Variants in COL26A1 observed in about 807,000 individuals in gnomAD.
COL26A1 encodes collagen type XXVI alpha 1 chain.
Under a neutral mutation model 59.3 loss-of-function variants are expected in COL26A1, and 41 were observed. That is an observed-to-expected ratio of 0.69 (90% confidence interval 0.54 to 0.90). The LOEUF is 0.90. Ranked by LOEUF, COL26A1 falls within the 40% of genes least tolerant of loss-of-function variation. The pLI is 0.00. For missense variants in COL26A1, 612 were observed against 602.3 expected (o/e 1.02, Z -0.17); for synonymous variants, 266 against 256.0 (o/e 1.04, Z -0.37).
At chr7:101,433,180 T>C (rs6465806) in intron 2 of COL26A1, among the ~76,000 whole-genome samples, 15,706 of 151,838 alleles carry the variant, frequency 0.1, 1,222 homozygotes, top group African/African-American at 0.22. Flanking sequence ...AAAAATTAGT[T>C]GGGCATGGTG....
chr7:101,400,016 C>T (rs1791953550), intron 1 of COL26A1, among the ~76,000 whole-genome samples: 1 of 152,080 alleles, frequency 6.6e-6, no homozygotes, highest in African/African-American at 2.4e-5. Flanking sequence ...GGGGGTGGTA[C>T]AGTGGCTGCG....
chr7:101,414,187 C>T (rs752813166), intron 1 of COL26A1, among the ~76,000 whole-genome samples: 4 of 152,098 alleles, frequency 2.6e-5, no homozygotes, highest in Non-Finnish European at 5.9e-5. Context: ...GAAGCCATTT[C>T]CAGCCCATTT....
intron 2 of COL26A1, among the ~76,000 whole-genome samples, chr7:101,440,314 T>A (rs1454664077): frequency 6.6e-6 from 1 of 151,820 alleles, no homozygotes; most frequent in African/African-American, 2.4e-5. Flanking sequence ...TGCAGGGAGC[T>A]GAGATCGCGT....
intron 3 of COL26A1, among the ~76,000 whole-genome samples, chr7:101,503,190 TCC>T: frequency 6.6e-6 from 1 of 152,138 alleles, no homozygotes; most frequent in African/African-American, 2.4e-5. Context: ...GTCTGTGGGG[TCC>T]CCTCTCGCCT....
intron 3 of COL26A1, among the ~76,000 whole-genome samples, chr7:101,477,936 CTT>C (rs1464869904): frequency 2.6e-5 from 4 of 152,122 alleles, no homozygotes; most frequent in African/African-American, 9.7e-5. Context: ...GCTGTTGACT[CTT>C]TTACCCTTGT....
At chr7:101,539,319 T>C (rs7787484) in intron 4 of COL26A1, among the ~76,000 whole-genome samples, 18,856 of 148,322 alleles carry the variant, frequency 0.13, 2,041 homozygotes, top group African/African-American at 0.3. Context: ...TGTGTGTGTG[T>C]GCGTATGTGT....
At chr7:101,393,924 T>C (rs1227733395) in intron 1 of COL26A1, among the ~76,000 whole-genome samples, 2 of 151,866 alleles carry the variant, frequency 1.3e-5, no homozygotes, top group Non-Finnish European at 2.9e-5. Context: ...TTTTTAAAAA[T>C]ATTTTATTTT....
At chr7:101,477,641 C>T (rs997793571) in intron 3 of COL26A1, among the ~76,000 whole-genome samples, 5 of 152,350 alleles carry the variant, frequency 3.3e-5, no homozygotes, top group Admixed American at 3.3e-4. Context: ...TGGTATTCTT[C>T]AGTCATGAGA....
chr7:101,493,061 C>T (rs1794501504), intron 3 of COL26A1, among the ~76,000 whole-genome samples: 1 of 152,194 alleles, frequency 6.6e-6, no homozygotes, highest in African/African-American at 2.4e-5. Flanking sequence ...AGATGGAAAT[C>T]ATCATTCCCC....
intron 3 of COL26A1, among the ~76,000 whole-genome samples, chr7:101,476,672 C>T (rs28873704): frequency 0.56 from 83,655 of 150,330 alleles, 25,370 homozygotes; most frequent in African/African-American, 0.8. Context: ...CTCAGCCTCC[C>T]GAGTACCTGG....
At chr7:101,436,325 C>G (rs900083543) in intron 2 of COL26A1, among the ~76,000 whole-genome samples, 1 of 152,162 alleles carries the variant, frequency 6.6e-6, no homozygotes, top group Admixed American at 6.5e-5. Context: ...GATTAATAAT[C>G]CCCTGCCTCC....
At chr7:101,447,192 C>T (rs923823348) in intron 2 of COL26A1, among the ~76,000 whole-genome samples, 4 of 152,020 alleles carry the variant, frequency 2.6e-5, no homozygotes, top group Admixed American at 6.6e-5. Context: ...TTTATAATGG[C>T]GATGTTATCT....
At chr7:101,540,140 A>G (rs948305765) in intron 5 of COL26A1, 91 bp downstream of exon 5, 5 of 1,308,758 alleles carry the variant, frequency 3.8e-6, no homozygotes, top group African/African-American at 1.5e-5. Context: ...GCCACACACT[A>G]GACACTCTAG....
chr7:101,440,955 G>A (rs1177027348), intron 2 of COL26A1, among the ~76,000 whole-genome samples: 6 of 145,996 alleles, frequency 4.1e-5, no homozygotes, highest in African/African-American at 1.5e-4. Context: ...CCAGCCTGGC[G>A]ACAGAGAGAG....
rs373068717 is a variant in COL26A1, at chr7:101,397,074, A to G, written c.159-22903A>G. ...AAGGTGAGGCTTTGGGAACAAAGGG[A>G]GGGGCTAGAGTCCCTGTGCAATGGG... On this transcript the variant is annotated intron_variant, in intron 1 of 12. Transcript: ENST00000313669. Among the ~76,000 whole-genome samples, 3 of 152,160 alleles carry G rather than the reference A, an allele frequency of 2.0e-5. No individual in the cohort carries two copies. The East Asian group carries it at 5.8e-4, about 29-fold the overall frequency.
At chr7:101,553,229 C>A in intron 10 of COL26A1, 97 bp from the exon 11 acceptor site, 2 of 1,118,488 alleles carry the variant, frequency 1.8e-6, no homozygotes, top group South Asian at 1.4e-5. Flanking sequence ...CCTGCCCAGC[C>A]TGCCCCTGAC....
chr7:101,533,163 C>T lies in COL26A1; in HGVS notation c.447+20C>T. On this transcript the variant is annotated intron_variant, in intron 4 of 12. Coordinates refer to ENST00000313669, the MANE Select transcript of COL26A1 (RefSeq NM_001278563.3). Reference sequence around the variant, plus strand: ...GCCAAGGTCAGTCGGGCTGGGGAGTCTGGGCCTGGGGAGCTGCCTGGGGAC... The same window carrying T: ...GCCAAGGTCAGTCGGGCTGGGGAGTTTGGGCCTGGGGAGCTGCCTGGGGAC... The T allele has an allele frequency of 1.3e-6, 2 of 1,582,312 alleles. No homozygotes were observed. Among genetic ancestry groups the T allele is most frequent in the African/African-American group, 1.3e-5 (1 of 74,502 alleles).
intron 1 of COL26A1, among the ~76,000 whole-genome samples, chr7:101,380,845 CAG>C (rs1466306734): frequency 6.6e-6 from 1 of 152,214 alleles, no homozygotes; most frequent in African/African-American, 2.4e-5. Flanking sequence ...CTTATGACAA[CAG>C]TGAGTAAATT....
At chr7:101,508,135 CTGTT>C (rs1563018363) in intron 3 of COL26A1, among the ~76,000 whole-genome samples, 1 of 152,184 alleles carries the variant, frequency 6.6e-6, no homozygotes, top group Admixed American at 6.5e-5. Context: ...TGATCACAAG[CTGTT>C]TGAGGCTCTC....
Sources: gnomAD v4.1 joint callset for allele counts (sites outside exome capture counted in the v4.1 genomes callset) on GRCh38, gnomAD v4.1.1 for gene constraint, MANE v1.5 for transcripts, NCBI Gene and HGNC (gene_info 2026-07-23, HGNC 2026-07-21) for gene names.